The following LAMA2 variants were observed in gnomAD, a reference collection of about 807,000 sequenced individuals.
LAMA2 encodes the protein laminin subunit alpha 2.
LAMA2 carries 269 observed loss-of-function variants against 364.8 expected under a neutral mutation model. The observed-to-expected ratio is 0.74, with a 90% CI of 0.67 to 0.82. LAMA2 has a LOEUF of 0.82. Ranked by LOEUF, LAMA2 falls within the 40% of genes least tolerant of loss-of-function variation. LAMA2 has a pLI of 0.00. For synonymous variants in LAMA2, 1,379 were observed against 1,370.6 expected (o/e 1.01, Z -0.14); for missense variants, 3,807 against 3,873.2 (o/e 0.98, Z 0.45).
At chr6:129,172,522 G>A (rs1361385285) in intron 9 of LAMA2, among the ~76,000 whole-genome samples, 1 of 152,244 alleles carries the variant, frequency 6.6e-6, no homozygotes, top group African/African-American at 2.4e-5. Context: ...TGAGGAGGCA[G>A]TCTGCCCGTT....
chr6:129,025,074 C>T (rs1785714597), intron 1 of LAMA2, among the ~76,000 whole-genome samples: 1 of 152,124 alleles, frequency 6.6e-6, no homozygotes, highest in Non-Finnish European at 1.5e-5. Flanking sequence ...AATCTTGCAA[C>T]AGTAACAGTT....
At chr6:129,406,522 A>G (rs1379768476) in intron 40 of LAMA2, among the ~76,000 whole-genome samples, 1 of 152,204 alleles carries the variant, frequency 6.6e-6, no homozygotes, top group African/African-American at 2.4e-5. Flanking sequence ...TAGAGGGTGC[A>G]AGGAAAACAG....
At chr6:128,966,821 T>G (rs2114608248) in intron 1 of LAMA2, among the ~76,000 whole-genome samples, 1 of 152,324 alleles carries the variant, frequency 6.6e-6, no homozygotes, top group Middle Eastern at 3.4e-3. Flanking sequence ...AAAGATGAGC[T>G]CAGCAAATAA....
Position 129,314,717 on chromosome 6 carries a change from G to A in LAMA2, c.3474G>A (p.Lys1158=). The A allele has an allele frequency of 6.2e-7, 1 of 1,613,962 alleles. No individual in the cohort carries two copies. Among genetic ancestry groups the A allele is most frequent in the Non-Finnish European group, 8.5e-7 (1 of 1,180,028 alleles). The change falls in exon 24 of 65, where the codon AAG becomes AAA. Residue 1158 remains lysine (K), a synonymous_variant. Transcript: ENST00000421865. ...CRPGKFGLDA[K]NPLGCSSCYC... is the part of the protein sequence containing the mutation. The stretch of plus-strand genomic sequence containing the variant: ...CTGGCAAATTCGGACTCGATGCCAA[G>A]AATCCACTTGGCTGCAGCAGCTGCT...
intron 9 of LAMA2, among the ~76,000 whole-genome samples, chr6:129,174,059 T>A (rs896809727): frequency 5.3e-5 from 8 of 152,106 alleles, no homozygotes; most frequent in African/African-American, 1.9e-4. Flanking sequence ...TGTAATCAGC[T>A]GTCAAAGTTC....
At chr6:129,244,089 G>C (rs897883561) in intron 12 of LAMA2, among the ~76,000 whole-genome samples, 2 of 152,040 alleles carry the variant, frequency 1.3e-5, no homozygotes, top group Admixed American at 1.3e-4. Context: ...AGAATGTGTT[G>C]TCTCTGTTCG....
intron 8 of LAMA2, among the ~76,000 whole-genome samples, chr6:129,165,190 T>TC (rs1779670181): frequency 6.6e-6 from 1 of 151,978 alleles, no homozygotes; most frequent in Non-Finnish European, 1.5e-5. Context: ...AATTTAGTTT[T>TC]TTTTTTTTTT....
chr6:129,287,411 G>A (rs1016017527), intron 18 of LAMA2, among the ~76,000 whole-genome samples: 5 of 151,960 alleles, frequency 3.3e-5, no homozygotes, highest in Admixed American at 6.6e-5. Context: ...ATTTCCTTGC[G>A]AGCCTGTTTC....
chr6:129,084,615 GA>G (rs1335937027), intron 3 of LAMA2, among the ~76,000 whole-genome samples: 1 of 152,098 alleles, frequency 6.6e-6, no homozygotes, highest in East Asian at 1.9e-4. Flanking sequence ...GGCAAACAAT[GA>G]AAAAGTCCCC....
At chr6:129,095,904 C>G (rs1007618666) in intron 3 of LAMA2, among the ~76,000 whole-genome samples, 16 of 150,960 alleles carry the variant, frequency 1.1e-4, no homozygotes, top group Admixed American at 8.6e-4. Flanking sequence ...TCCTGGACAA[C>G]AGAGCAGGAC....
intron 1 of LAMA2, among the ~76,000 whole-genome samples, chr6:129,039,751 C>A (rs984742163): frequency 6.6e-6 from 1 of 152,188 alleles, no homozygotes; most frequent in East Asian, 1.9e-4. Flanking sequence ...TAGCTCACAA[C>A]CTAGATCCCT....
chr6:129,031,288 G>T (rs1257487898), intron 1 of LAMA2, among the ~76,000 whole-genome samples: 1 of 152,128 alleles, frequency 6.6e-6, no homozygotes, highest in Non-Finnish European at 1.5e-5. Context: ...AGTCAGCTAT[G>T]AAATACTTTT....
chr6:129,448,532 A>G (rs1782506741), intron 45 of LAMA2, among the ~76,000 whole-genome samples: 1 of 152,174 alleles, frequency 6.6e-6, no homozygotes, highest in South Asian at 2.1e-4. Context: ...CTTAACACAT[A>G]CTTGACATGA....
chr6:129,201,242 C>T (rs940687368), intron 12 of LAMA2, among the ~76,000 whole-genome samples: 1 of 152,128 alleles, frequency 6.6e-6, no homozygotes, highest in Non-Finnish European at 1.5e-5. Context: ...AAAAGCCAAA[C>T]ACAGCCTGGC....
intron 28 of LAMA2, among the ~76,000 whole-genome samples, chr6:129,326,630 T>C (rs1013885749): frequency 6.7e-6 from 1 of 150,370 alleles, no homozygotes; most frequent in Non-Finnish European, 1.5e-5. Flanking sequence ...GATAAAGTCC[T>C]ATCTCTCATA....
chr6:128,926,106 C>G (rs1265276653), intron 1 of LAMA2, among the ~76,000 whole-genome samples: 1 of 152,082 alleles, frequency 6.6e-6, no homozygotes, highest in African/African-American at 2.4e-5. Flanking sequence ...ATTTCTTTGC[C>G]TAAAATTTTC....
intron 9 of LAMA2, among the ~76,000 whole-genome samples, chr6:129,170,546 G>C (rs1415928469): frequency 7.9e-6 from 1 of 126,432 alleles, no homozygotes; most frequent in African/African-American, 3.6e-5. Context: ...TATAATTTCT[G>C]TTCTTTTACA....
intron 1 of LAMA2, among the ~76,000 whole-genome samples, chr6:129,017,166 C>A: frequency 6.6e-6 from 1 of 151,808 alleles, no homozygotes; most frequent in South Asian, 2.1e-4. Flanking sequence ...ATATATTGAC[C>A]ATAAGTAAAT....
Position 129,287,345 on chromosome 6 carries a change from T to C in LAMA2, c.2538-502T>C, listed in dbSNP as rs58456073. Among the ~76,000 whole-genome samples the C allele has an allele frequency of 2.9e-3, 447 of 152,274 alleles. 5 individuals carry two copies. Among genetic ancestry groups the C allele is most frequent in the African/African-American group, 0.011 (443 of 41,558 alleles). On this transcript the variant is annotated intron_variant, in intron 18 of 64. Transcript: ENST00000421865. ...ATACCCACAGCTCCCATCCAATTAATAAGAATCTTCTGAGTCACAGTTTCT... is the reference window on the plus strand; with the variant it reads ...ATACCCACAGCTCCCATCCAATTAACAAGAATCTTCTGAGTCACAGTTTCT...
Sources: allele counts gnomAD v4.1 joint callset (sites outside exome capture counted in the v4.1 genomes callset), GRCh38; gene constraint gnomAD v4.1.1; transcripts MANE v1.5; gene names NCBI Gene and HGNC (gene_info 2026-07-23, HGNC 2026-07-21).